DISP1: variants seen among roughly 807,000 people sequenced by gnomAD.
The protein encoded by DISP1 is protein dispatched homolog 1.
DISP1 carries 30 observed loss-of-function variants against 37.3 expected under a neutral mutation model. That is an observed-to-expected ratio of 0.80 (90% CI 0.60 to 1.09). The LOEUF (loss-of-function observed/expected upper bound fraction) is 1.09. Among genes scored for constraint, DISP1 ranks in the 50% least tolerant of loss-of-function variants. The probability of loss-of-function intolerance (pLI) is 0.00; values close to 1 mark genes in which losing one functional copy is unlikely to be tolerated. For missense variants in DISP1, 1,598 were observed against 1,879.5 expected (o/e 0.85, Z 2.77); for synonymous variants, 634 against 690.2 (o/e 0.92, Z 1.28).
chr1:222,984,812 C>G (rs961875871), intron 4 of DISP1, among the ~76,000 whole-genome samples: 1 of 152,138 alleles, frequency 6.6e-6, no homozygotes, highest in Non-Finnish European at 1.5e-5. Flanking sequence ...CCCCCAGGCC[C>G]TAGCAACCAT....
intron 2 of DISP1, among the ~76,000 whole-genome samples, chr1:222,936,604 TCATATATA>T (rs1673758210): frequency 2.8e-5 from 1 of 35,198 alleles, no homozygotes; most frequent in African/African-American, 1.1e-4. Context: ...TATATATCTC[TCATATATA>T]TGAGATATAT....
rs1430603956 is a variant in DISP1 at position 222,815,044 on chromosome 1, G to T, written c.-193G>T. The T allele has an allele frequency of 6.6e-6, 1 of 152,250 alleles. No homozygotes were observed. The highest frequency in any genetic ancestry group is 1.5e-5 in the Non-Finnish European group (1 of 68,088). The allele number at this position is 152,250 out of a possible 1,614,324, so 9.4% of individuals were successfully genotyped here. A position where few individuals can be genotyped will look rare whatever the true frequency, so the allele number is the denominator to read the frequency against. On this transcript the variant is annotated 5_prime_UTR_variant, in exon 1 of 9. Coordinates refer to ENST00000675850, the MANE Select transcript of DISP1 (RefSeq NM_001377229.1). ...CGCGGACCGCGCCAGGCGGAAGCCCGGCTCCGGGCCAGCATCCGAGAGCCC... is the reference window on the plus strand; with the variant it reads ...CGCGGACCGCGCCAGGCGGAAGCCCTGCTCCGGGCCAGCATCCGAGAGCCC...
At chr1:222,975,004 G>A (rs1677210352) in intron 3 of DISP1, among the ~76,000 whole-genome samples, 1 of 152,062 alleles carries the variant, frequency 6.6e-6, no homozygotes, top group Non-Finnish European at 1.5e-5. Flanking sequence ...TGACTTTTGA[G>A]GTTAAAATGT....
chr1:222,836,948 A>T (rs1482831238), intron 1 of DISP1: 1 of 397,558 alleles, frequency 2.5e-6, no homozygotes, highest in Non-Finnish European at 4.4e-6. Context: ...CCTATGACAG[A>T]GACTGCCAAA....
intron 3 of DISP1, among the ~76,000 whole-genome samples, chr1:222,947,556 G>A (rs1409537083): frequency 6.6e-6 from 1 of 152,098 alleles, no homozygotes; most frequent in African/African-American, 2.4e-5. Flanking sequence ...GTTCTTTTGG[G>A]TATATGCTCA....
intron 1 of DISP1, among the ~76,000 whole-genome samples, chr1:222,849,958 G>T (rs1295608298): frequency 6.6e-6 from 1 of 152,128 alleles, no homozygotes; most frequent in African/African-American, 2.4e-5. Flanking sequence ...AAGACAGGTT[G>T]TATGTGGACA....
At chr1:222,859,394 C>G (rs934780846) in intron 1 of DISP1, among the ~76,000 whole-genome samples, 1 of 152,156 alleles carries the variant, frequency 6.6e-6, no homozygotes, top group Admixed American at 6.5e-5. Context: ...GGCTTAACAC[C>G]TAGGTGATGG....
At chr1:222,937,002 T>C (rs993341699) in intron 2 of DISP1, among the ~76,000 whole-genome samples, 3 of 94,818 alleles carry the variant, frequency 3.2e-5, no homozygotes, top group Non-Finnish European at 6.3e-5. Context: ...TATTATATAA[T>C]ATAGAATATT....
chr1:222,976,426 A>G (rs770272293), intron 3 of DISP1, among the ~76,000 whole-genome samples: 2 of 152,112 alleles, frequency 1.3e-5, no homozygotes, highest in African/African-American at 2.4e-5. Context: ...ACTGTAAATC[A>G]AACAGGTTTC....
intron 1 of DISP1, among the ~76,000 whole-genome samples, chr1:222,926,456 G>C (rs1033668004): frequency 1.3e-5 from 2 of 152,080 alleles, no homozygotes; most frequent in African/African-American, 2.4e-5. Flanking sequence ...TGGTAGTTTT[G>C]TTCCTGAAGT....
At chr1:222,885,648 A>G (rs1301275051) in intron 1 of DISP1, among the ~76,000 whole-genome samples, 2 of 151,306 alleles carry the variant, frequency 1.3e-5, no homozygotes, top group East Asian at 3.9e-4. Flanking sequence ...CTAATTTCCT[A>G]ATTTTTATTA....
chr1:222,891,112 G>C (rs542100211), intron 1 of DISP1, among the ~76,000 whole-genome samples: 3 of 152,104 alleles, frequency 2.0e-5, no homozygotes, highest in Non-Finnish European at 2.9e-5. Context: ...AAGAGAGGAG[G>C]GGGGATGACT....
chr1:222,882,477 G>A (rs1466916915), intron 1 of DISP1, among the ~76,000 whole-genome samples: 2 of 152,130 alleles, frequency 1.3e-5, no homozygotes, highest in African/African-American at 4.8e-5. Context: ...GGAAATTAAA[G>A]TTTGGTGGGT....
chr1:222,944,912 G>GTGCT (rs1674656366), intron 3 of DISP1, among the ~76,000 whole-genome samples: 1 of 152,152 alleles, frequency 6.6e-6, no homozygotes, highest in South Asian at 2.1e-4. Flanking sequence ...CATGGCTGCG[G>GTGCT]GGATTACAGA....
chr1:222,937,637 C>G (rs1022699420), intron 2 of DISP1, among the ~76,000 whole-genome samples: 3 of 151,994 alleles, frequency 2.0e-5, no homozygotes, highest in Non-Finnish European at 2.9e-5. Context: ...TCATTCTGGA[C>G]ATTAAAATGC....
intron 1 of DISP1, among the ~76,000 whole-genome samples, chr1:222,834,733 C>CCAT (rs1666612614): frequency 1.3e-5 from 2 of 152,010 alleles, no homozygotes; most frequent in South Asian, 4.1e-4. Flanking sequence ...GTTAAATATA[C>CCAT]CCTTCAAATT....
At chr1:222,951,998 G>T (rs1045973291) in intron 3 of DISP1, among the ~76,000 whole-genome samples, 5 of 152,142 alleles carry the variant, frequency 3.3e-5, no homozygotes, top group Non-Finnish European at 7.4e-5. Flanking sequence ...AAGAGAACTA[G>T]ACTATACAGT....
At chr1:222,837,710 T>C (rs1667327893) in intron 1 of DISP1, among the ~76,000 whole-genome samples, 1 of 152,154 alleles carries the variant, frequency 6.6e-6, no homozygotes, top group Admixed American at 6.5e-5. Flanking sequence ...TTCTATAATG[T>C]CATTCGTAAT....
chr1:222,925,643 T>C (rs1310878173), intron 1 of DISP1, among the ~76,000 whole-genome samples: 1 of 152,170 alleles, frequency 6.6e-6, no homozygotes, highest in African/African-American at 2.4e-5. Context: ...AATTAGGAGA[T>C]ACAGAGATGA....
Sources: gnomAD v4.1 joint callset for allele counts (sites outside exome capture counted in the v4.1 genomes callset) on GRCh38, gnomAD v4.1.1 for gene constraint, MANE v1.5 for transcripts, NCBI Gene and HGNC (gene_info 2026-07-23, HGNC 2026-07-21) for gene names.